Variants in INSYN1 observed in about 807,000 individuals in gnomAD.
INSYN1 encodes inhibitory synaptic factor 1, also known as UPF0583 protein C15orf59.
INSYN1 carries 7 observed loss-of-function variants against 17.1 expected under a neutral mutation model. The observed-to-expected ratio is 0.41, with a 90% CI of 0.23 to 0.77. INSYN1 has a LOEUF of 0.77. Among genes scored for constraint, INSYN1 ranks in the 30% least tolerant of loss-of-function variants. The probability of loss-of-function intolerance (pLI) is 0.32; values close to 1 mark genes in which losing one functional copy is unlikely to be tolerated. For missense variants in INSYN1, 339 were observed against 400.6 expected (o/e 0.85, Z 1.31); for synonymous variants, 174 against 166.3 (o/e 1.05, Z -0.36).
In INSYN1 at chr15:73,751,299, C is replaced by A. The variant is rs918525197; in HGVS notation, c.-169G>T. On this transcript the variant is annotated 5_prime_UTR_variant, in exon 2 of 3. Coordinates refer to ENST00000569673, the MANE Select transcript of INSYN1 (RefSeq NM_001039614.3). ...CCAGCCCCTGCCCCCTGCCACCCAG[C>A]CTCCTCTGCCTCTGGGTGGAGAGTG... 14 of 673,752 alleles carry A rather than the reference C, an allele frequency of 2.1e-5. No homozygotes were observed. The highest frequency in any genetic ancestry group is 3.5e-5 in the Non-Finnish European group (14 of 399,676). The allele number at this position is 673,752 out of a possible 1,614,324, so 41.7% of individuals were successfully genotyped here. A position where few individuals can be genotyped will look rare whatever the true frequency, so the allele number is the denominator to read the frequency against.
chr15:73,746,063 C>G (rs1248289642), intron 2 of INSYN1, among the ~76,000 whole-genome samples: 2 of 149,384 alleles, frequency 1.3e-5, no homozygotes, highest in Non-Finnish European at 3.0e-5. Flanking sequence ...CCCCACCTCA[C>G]CTCCCCTGAC....
intron 2 of INSYN1, among the ~76,000 whole-genome samples, chr15:73,748,351 C>A (rs779954926): frequency 6.6e-6 from 1 of 152,172 alleles, no homozygotes; most frequent in Non-Finnish European, 1.5e-5. Context: ...CCTTCCACTC[C>A]GCTGGCCTTG....
rs933381848 is a variant in INSYN1, at chr15:73,753,128, G to C, written c.-1586C>G. On this transcript the variant is annotated 5_prime_UTR_variant, in exon 1 of 3. Coordinates refer to ENST00000569673, the MANE Select transcript of INSYN1 (RefSeq NM_001039614.3). The surrounding 1 kb of genome is among the most constrained non-coding windows in gnomAD (Gnocchi z 4.2). The stretch of plus-strand genomic sequence containing the variant: ...GGTGGGGCAAACAGGCGCCGGGTCG[G>C]GGCTGGGCCTCCCTTCACCGCCTCG... Among the ~76,000 whole-genome samples the C allele has an allele frequency of 2.7e-5, 4 of 149,012 alleles. No homozygotes were observed. Among genetic ancestry groups the C allele is most frequent in the South Asian group, 2.1e-4 (1 of 4,808 alleles).
rs1233772264 is a variant in INSYN1 at position 73,752,499 on chromosome 15, C to G, written c.-957G>C. On this transcript the variant is annotated 5_prime_UTR_variant, in exon 1 of 3. Coordinates refer to ENST00000569673, the MANE Select transcript of INSYN1 (RefSeq NM_001039614.3). This position sits in a 1 kb window ranked among gnomAD's most constrained non-coding sequence, Gnocchi z 5.2. ...CGCCGGGATCCCCTCAGCCCACGCC[C>G]GGCATTCCCCGGGCTCTGCACCGTC... 6.6e-6 allele frequency: 1 copy of G among 152,200 alleles called. No homozygotes were observed. Among genetic ancestry groups the G allele is most frequent in the Non-Finnish European group, 1.5e-5 (1 of 68,106 alleles). The allele number at this position is 152,200 out of a possible 1,614,324, so 9.4% of individuals were successfully genotyped here. A position where few individuals can be genotyped will look rare whatever the true frequency, so the allele number is the denominator to read the frequency against.
At chr15:73,750,153 C>T (rs146388333) in intron 2 of INSYN1, among the ~76,000 whole-genome samples, 2 of 152,330 alleles carry the variant, frequency 1.3e-5, no homozygotes, top group African/African-American at 4.8e-5. Context: ...CAGCTCAGAA[C>T]GCTGGTCATG....
intron 2 of INSYN1, among the ~76,000 whole-genome samples, chr15:73,744,775 T>C (rs1901778566): frequency 6.6e-5 from 10 of 151,818 alleles, no homozygotes; most frequent in Non-Finnish European, 1.5e-5. Context: ...AATTGAACCA[T>C]AAAATTACAG....
chr15:73,740,514 C>G lies in INSYN1; in HGVS notation c.285G>C (p.Leu95=), dbSNP rs373843525. The change falls in exon 3 of 3, where the codon CTG becomes CTC. Residue 95 remains leucine (L), a synonymous_variant. Transcript: ENST00000569673. ...DKAGMGGPFD[L]GHLDFMTADI... ...CGGCTGTCATGAAGTCCAGGTGGCC[C>G]AGGTCAAAGGGGCCACCCATGCCCG... 5.3e-5 allele frequency: 85 copies of G among 1,613,946 alleles called. No homozygotes were observed. Among genetic ancestry groups the G allele is most frequent in the Middle Eastern group, 1.6e-4 (1 of 6,084 alleles).
rs116645009 is a variant in INSYN1, at chr15:73,747,156, G to A, written c.156+3819C>T. ...ACTTCCTCTTCGAGACCTTGGCACC[G>A]GCTGCACCCTCAGCCGGGAATGCTC... On this transcript the variant is annotated intron_variant, in intron 2 of 2. Coordinates refer to ENST00000569673, the MANE Select transcript of INSYN1 (RefSeq NM_001039614.3). 5.0e-3 allele frequency among the ~76,000 whole-genome samples: 767 copies of A among 152,228 alleles called. 8 individuals are homozygous for A. The highest frequency in any genetic ancestry group is 0.018 in the African/African-American group (731 of 41,516).
rs1901568825 is a variant in INSYN1 at position 73,737,771 on chromosome 15, A to G, written c.*2146T>C. On this transcript the variant is annotated 3_prime_UTR_variant, in exon 3 of 3. Coordinates refer to ENST00000569673, the MANE Select transcript of INSYN1 (RefSeq NM_001039614.3). The stretch of plus-strand genomic sequence containing the variant: ...GGGGCTGGATAGCACCTCTTCAGGC[A>G]GGAGCAGTGGGTGCTGCCAGGCCTG... 1.3e-5 allele frequency: 2 copies of G among 152,300 alleles called. No homozygotes were observed. The highest frequency in any genetic ancestry group is 6.5e-5 in the Admixed American group (1 of 15,286). 9.4% of individuals were successfully genotyped at this position (152,300 alleles called of 1,614,324 possible).
intron 2 of INSYN1, among the ~76,000 whole-genome samples, chr15:73,749,465 C>T (rs1901920705): frequency 6.6e-6 from 1 of 152,210 alleles, no homozygotes; most frequent in Non-Finnish European, 1.5e-5. Context: ...TCAGAGTTGA[C>T]TCCCAGGCCT....
rs1902048389 is a variant in INSYN1 at position 73,753,326 on chromosome 15, G to A, written c.-1784C>T. Among the ~76,000 whole-genome samples, 1 of 151,084 alleles carries A rather than the reference G, an allele frequency of 6.6e-6. No homozygotes were observed. Among genetic ancestry groups the A allele is most frequent in the Admixed American group, 6.6e-5 (1 of 15,202 alleles). Reference sequence around the variant, plus strand: ...CCGCCCGGCTCGCTTGGCTCCGCTTGCCTCGGCGCTGTCAGGGAAGGGGCC... The same window carrying A: ...CCGCCCGGCTCGCTTGGCTCCGCTTACCTCGGCGCTGTCAGGGAAGGGGCC... On this transcript the variant is annotated 5_prime_UTR_variant, in exon 1 of 3. Transcript: ENST00000569673. The surrounding 1 kb of genome is among the most constrained non-coding windows in gnomAD (Gnocchi z 4.2).
chr15:73,744,448 G>T (rs1479025908), intron 2 of INSYN1, among the ~76,000 whole-genome samples: 1 of 152,176 alleles, frequency 6.6e-6, no homozygotes, highest in Non-Finnish European at 1.5e-5. Flanking sequence ...CACACCACTT[G>T]ATGAATGACA....
rs538390337 is a variant in INSYN1, at chr15:73,752,993, G to T, written c.-1451C>A. Among the ~76,000 whole-genome samples, 381 of 150,224 alleles carry T rather than the reference G, an allele frequency of 2.5e-3. No individual in the cohort carries two copies. Among genetic ancestry groups the T allele is most frequent in the African/African-American group, 8.8e-3 (364 of 41,186 alleles). On this transcript the variant is annotated 5_prime_UTR_variant, in exon 1 of 3. Transcript: ENST00000569673. The surrounding 1 kb of genome is among the most constrained non-coding windows in gnomAD (Gnocchi z 5.2). ...GAGGGGAGGGGGCGAGCGGCGGGCC[G>T]GGCCGGGCCGGGGCGCACTAGGCTC... is the stretch of plus-strand genomic sequence containing the variant.
intron 2 of INSYN1, among the ~76,000 whole-genome samples, chr15:73,746,408 T>C (rs907470535): frequency 6.6e-6 from 1 of 152,214 alleles, no homozygotes. Flanking sequence ...TGACCCACTT[T>C]GGCGCAGCTC....
At position 73,752,527 on chromosome 15, in the gene INSYN1, G is replaced by C. The variant is rs926730092; in HGVS notation, c.-985C>G. 1 of 152,258 alleles carries C rather than the reference G, an allele frequency of 6.6e-6. No homozygotes were observed. The highest frequency in any genetic ancestry group is 1.9e-4 in the East Asian group (1 of 5,158). The allele number at this position is 152,258 out of a possible 1,614,324, so 9.4% of individuals were successfully genotyped here. Reference sequence around the variant, plus strand: ...CATTCCCCGGGCTCTGCACCGTCCGGGATTCGCTCTGTCCAGTCCAGATCG... The same window carrying C: ...CATTCCCCGGGCTCTGCACCGTCCGCGATTCGCTCTGTCCAGTCCAGATCG... On this transcript the variant is annotated 5_prime_UTR_variant, in exon 1 of 3. Transcript: ENST00000569673. This position sits in a 1 kb window ranked among gnomAD's most constrained non-coding sequence, Gnocchi z 5.2.
In INSYN1 at chr15:73,736,390, A is replaced by T. The variant is rs150473792; in HGVS notation, c.*3527T>A. The T allele has an allele frequency of 5.3e-5, 8 of 152,016 alleles. No homozygotes were observed. Among genetic ancestry groups the T allele is most frequent in the African/African-American group, 1.9e-4 (8 of 41,432 alleles). The allele number at this position is 152,016 out of a possible 1,614,324, so 9.4% of individuals were successfully genotyped here. On this transcript the variant is annotated 3_prime_UTR_variant, in exon 3 of 3. Coordinates refer to ENST00000569673, the MANE Select transcript of INSYN1 (RefSeq NM_001039614.3). ...GGATCATCGGAGGTCAGGAGTTCAA[A>T]GATGAGGCTGGCCAACATAGTGAAA...
In INSYN1 at chr15:73,740,461, C is replaced by G. The variant is rs778113912; in HGVS notation, c.338G>C (p.Cys113Ser). Residue 113 changes from cysteine (C) to serine (S), a missense_variant, in exon 3 of 3, where the codon TGC becomes TCC. Cys to Ser is a moderately radical substitution (Grantham distance 112). Coordinates refer to ENST00000569673, the MANE Select transcript of INSYN1 (RefSeq NM_001039614.3). ...ADILSDSWEFCSFLDVSTPSD... is the reference protein window; with the variant it reads ...ADILSDSWEFSSFLDVSTPSD... ...GGGGGTAGAGACGTCCAGGAAGGAG[C>G]AGAACTCCCAGCTGTCTGAGAGGAT... The G allele has an allele frequency of 1.2e-6, 2 of 1,613,952 alleles. No individual in the cohort carries two copies. The highest frequency in any genetic ancestry group is 1.7e-6 in the Non-Finnish European group (2 of 1,180,032).
intron 2 of INSYN1, among the ~76,000 whole-genome samples, chr15:73,749,269 C>G (rs1349289921): frequency 1.3e-5 from 2 of 152,188 alleles, no homozygotes; most frequent in African/African-American, 2.4e-5. Flanking sequence ...ACTTCTGCCA[C>G]TGGTAGGCTG....
At chr15:73,749,697 A>C (rs932905696) in intron 2 of INSYN1, among the ~76,000 whole-genome samples, 7 of 152,232 alleles carry the variant, frequency 4.6e-5, no homozygotes, top group Admixed American at 4.6e-4. Flanking sequence ...TGTGCAACCC[A>C]GACTATGGCC....
Sources: gnomAD v4.1 joint callset for allele counts (sites outside exome capture counted in the v4.1 genomes callset) on GRCh38, gnomAD v4.1.1 for gene constraint, Gnocchi (gnomAD v3.1) non-coding constraint, MANE v1.5 for transcripts, NCBI Gene and HGNC (gene_info 2026-07-23, HGNC 2026-07-21) for gene names.